DDX10: variants seen among roughly 807,000 people sequenced by gnomAD.
DDX10 encodes DEAD-box helicase 10.
In DDX10, 74 loss-of-function variants were observed where a neutral mutation model predicts 104.3. The ratio of observed to expected loss-of-function variants is 0.71; its 90% CI spans 0.59 to 0.86. The LOEUF (loss-of-function observed/expected upper bound fraction) is 0.86. DDX10 is among the 40% of genes least tolerant of loss of function. The pLI, the probability that DDX10 is intolerant of heterozygous loss-of-function variation, is 0.00. For synonymous variants in DDX10, 351 were observed against 353.4 expected (o/e 0.99, Z 0.08); for missense variants, 952 against 1,040.0 (o/e 0.92, Z 1.16).
chr11:108,929,799 T>A lies in DDX10; in HGVS notation c.2451-10447T>A, dbSNP rs566679761. 3.9e-5 allele frequency: 6 copies of A among 152,332 alleles called. 1 individual carries two copies. In the South Asian group the frequency reaches 1.2e-3, roughly 32 times the overall value. 9.4% of individuals were successfully genotyped at this position (152,332 alleles called of 1,614,324 possible). On this transcript the variant is annotated intron_variant, in intron 17 of 17. Transcript: ENST00000322536. ...GTTTTTATGCTCAATTTAATTAAGT[T>A]ATAATGTATTGGGGGTATACTAACT...
chr11:108,706,862 GT>G (rs779280591), intron 10 of DDX10, 25 bp downstream of exon 10: 1 of 1,590,282 alleles, frequency 6.3e-7, no homozygotes, highest in South Asian at 1.1e-5. Flanking sequence ...TTGTCTTTAT[GT>G]TTTTAGGAAA....
chr11:108,825,368 C>G (rs893082906), intron 13 of DDX10, among the ~76,000 whole-genome samples: 2 of 152,042 alleles, frequency 1.3e-5, no homozygotes, highest in Non-Finnish European at 2.9e-5. Context: ...TACGCATGCT[C>G]GGGAAGTTAA....
intron 16 of DDX10, among the ~76,000 whole-genome samples, chr11:108,897,505 C>T (rs544585624): frequency 1.9e-4 from 29 of 152,128 alleles, no homozygotes; most frequent in Non-Finnish European, 3.5e-4. Flanking sequence ...AAAGGATTTA[C>T]GTCTCCAAGG....
At chr11:108,819,906 G>A (rs372707139) in intron 13 of DDX10, among the ~76,000 whole-genome samples, 3 of 152,046 alleles carry the variant, frequency 2.0e-5, no homozygotes, top group Non-Finnish European at 4.4e-5. Context: ...AGCCCCATAC[G>A]CCTATTTCTG....
At chr11:108,853,733 A>C (rs1862826988) in intron 16 of DDX10, among the ~76,000 whole-genome samples, 1 of 152,074 alleles carries the variant, frequency 6.6e-6, no homozygotes, top group Non-Finnish European at 1.5e-5. Flanking sequence ...CTCTGAAGTG[A>C]ACTCCTTATG....
chr11:108,927,091 C>T (rs1170833855), intron 17 of DDX10, among the ~76,000 whole-genome samples: 7 of 152,160 alleles, frequency 4.6e-5, no homozygotes, highest in African/African-American at 1.7e-4. Context: ...AGACACCCAC[C>T]CTTAGCTTCC....
chr11:108,838,538 G>C lies in DDX10; in HGVS notation c.2058G>C (p.Lys686Asn). The C allele has an allele frequency of 6.2e-7, 1 of 1,611,166 alleles. No homozygotes were observed. The highest frequency in any genetic ancestry group is 2.2e-5 in the East Asian group (1 of 44,730). Residue 686 changes from lysine to asparagine, a missense_variant, in exon 14 of 18, where the codon AAG becomes AAC. Coordinates refer to ENST00000322536, the MANE Select transcript of DDX10 (RefSeq NM_004398.4). ...TGAAGAGAAATTTTAAAGTGAATAA[G>C]AAGATAACATTTACTGATGAAGGGG... The part of the protein sequence containing the change: ...KVMKRNFKVN[K>N]KITFTDEGEL...
chr11:108,795,207 T>C (rs1213832624), intron 13 of DDX10, among the ~76,000 whole-genome samples: 2 of 152,060 alleles, frequency 1.3e-5, no homozygotes, highest in African/African-American at 2.4e-5. Context: ...TGGGAGGTAT[T>C]TCTGCTTCTG....
chr11:108,936,504 T>C (rs1478105636), intron 17 of DDX10, among the ~76,000 whole-genome samples: 1 of 152,132 alleles, frequency 6.6e-6, no homozygotes, highest in Non-Finnish European at 1.5e-5. Context: ...TGAGAAGACA[T>C]ATATAACAGC....
intron 13 of DDX10, among the ~76,000 whole-genome samples, chr11:108,789,942 A>G (rs759314248): frequency 5.9e-5 from 9 of 152,292 alleles, no homozygotes; most frequent in Non-Finnish European, 1.3e-4. Context: ...GTAACTCCGA[A>G]CCAATTAAAT....
chr11:108,736,040 G>T (rs966397512), intron 13 of DDX10, among the ~76,000 whole-genome samples: 3 of 152,148 alleles, frequency 2.0e-5, no homozygotes, highest in Admixed American at 6.5e-5. Flanking sequence ...TTCTCAAGCC[G>T]TCTTTGCTGA....
chr11:108,879,459 G>A (rs1417931898), intron 16 of DDX10, among the ~76,000 whole-genome samples: 1 of 152,034 alleles, frequency 6.6e-6, no homozygotes, highest in Non-Finnish European at 1.5e-5. Context: ...ATTAATATAG[G>A]TATAATATAA....
rs1170887898 is a variant in DDX10, at chr11:108,770,849, TG to T, written c.1965+47391del. On this transcript the variant is annotated intron_variant, in intron 13 of 17. Transcript: ENST00000322536. ...ATGTCTCTGATATATTTCCTTTCCT[TG>T]GGGTATATACCCAACAGTGGGATTG... 4.6e-5 allele frequency among the ~76,000 whole-genome samples: 7 copies of T among 152,302 alleles called. No homozygotes were observed. In the East Asian group the frequency reaches 1.2e-3, roughly 25 times the overall value.
At chr11:108,771,865 C>T (rs2094363614) in intron 13 of DDX10, among the ~76,000 whole-genome samples, 1 of 152,182 alleles carries the variant, frequency 6.6e-6, no homozygotes, top group African/African-American at 2.4e-5. Context: ...CTTGATCCAT[C>T]ATGGTCAGTA....
rs76880041 is a variant in DDX10, at chr11:108,892,784, A to T, written c.2305-25089A>T. Among the ~76,000 whole-genome samples, 834 of 152,294 alleles carry T rather than the reference A, an allele frequency of 5.5e-3. 10 individuals carry two copies. Among genetic ancestry groups the T allele is most frequent in the African/African-American group, 0.019 (805 of 41,574 alleles). On this transcript the variant is annotated intron_variant, in intron 16 of 17. Coordinates refer to ENST00000322536, the MANE Select transcript of DDX10 (RefSeq NM_004398.4). Reference sequence around the variant, plus strand: ...TTGACGAATCTATACCATTCTTTTAATGATGAAGGAAGTTCTTATTTCTAA... The same window carrying T: ...TTGACGAATCTATACCATTCTTTTATTGATGAAGGAAGTTCTTATTTCTAA...
chr11:108,889,552 A>G (rs1233598878), intron 16 of DDX10, among the ~76,000 whole-genome samples: 1 of 152,206 alleles, frequency 6.6e-6, no homozygotes, highest in African/African-American at 2.4e-5. Flanking sequence ...TATTAAGGAA[A>G]CAAAATATTA....
At chr11:108,890,657 G>A (rs181253671) in intron 16 of DDX10, among the ~76,000 whole-genome samples, 238 of 151,582 alleles carry the variant, frequency 1.6e-3, no homozygotes, top group African/African-American at 5.2e-3. Context: ...TTTTTTCAAC[G>A]TAATATGATC....
intron 11 of DDX10, 132 bp from the exon 12 acceptor site, chr11:108,719,665 G>A (rs2094295842): frequency 1.8e-6 from 1 of 561,776 alleles, no homozygotes; most frequent in African/African-American, 1.9e-5. Flanking sequence ...TGCATGGAAT[G>A]GAGATATACT....
intron 13 of DDX10, among the ~76,000 whole-genome samples, chr11:108,763,357 A>G (rs1044737605): frequency 7.2e-5 from 11 of 152,156 alleles, no homozygotes; most frequent in Non-Finnish European, 1.2e-4. Context: ...TCTTGGTTTA[A>G]TAAGAATCCA....
Sources: allele counts gnomAD v4.1 joint callset (sites outside exome capture counted in the v4.1 genomes callset), GRCh38; gene constraint gnomAD v4.1.1; transcripts MANE v1.5; gene names NCBI Gene and HGNC (gene_info 2026-07-23, HGNC 2026-07-21).